The following PAK3 variants were observed in gnomAD, a reference collection of about 807,000 sequenced individuals.
PAK3 encodes p21 (RAC1) activated kinase 3, also known as serine/threonine-protein kinase PAK 3.
PAK3 carries 4 observed loss-of-function variants against 41.0 expected under a neutral mutation model. The ratio of observed to expected loss-of-function variants is 0.10; its 90% CI spans 0.05 to 0.22. The LOEUF is 0.22. PAK3 is among the 10% of genes least tolerant of loss of function. The pLI is 1.00. For missense variants in PAK3, 205 were observed against 409.9 expected, an observed-to-expected ratio of 0.50 and a Z score of 4.32; for synonymous variants, 146 against 139.6, an observed-to-expected ratio of 1.05 and a Z score of -0.32.
At chrX:111,091,214 C>T (rs1372377421), upstream of PAK3, among the ~76,000 whole-genome samples, 1 of 111,327 alleles carries the variant, frequency 9.0e-6, no homozygotes, top group African/African-American at 3.3e-5. Context: ...TCAGAAAGCT[C>T]GTAGGTTCTA....
chrX:111,204,239 C>T (rs1466655376), intron 16 of PAK3, among the ~76,000 whole-genome samples: 3 of 110,978 alleles, frequency 2.7e-5, no homozygotes, highest in Non-Finnish European at 5.7e-5. Context: ...AATTATGACC[C>T]AGAAAACAGC....
intron 1 of PAK3, among the ~76,000 whole-genome samples, chrX:111,010,500 G>A (rs2091996319): frequency 8.9e-6 from 1 of 111,762 alleles, no homozygotes; most frequent in Non-Finnish European, 1.9e-5. Flanking sequence ...GGGGTCTTAT[G>A]GGAGGTGATT....
intron 1 of PAK3, among the ~76,000 whole-genome samples, chrX:111,036,743 C>T (rs2092402918): frequency 9.0e-6 from 1 of 111,624 alleles, no homozygotes; most frequent in East Asian, 2.8e-4. Flanking sequence ...CCATTTGAGA[C>T]TCCTTGCCAT....
intron 1 of PAK3, among the ~76,000 whole-genome samples, chrX:110,950,843 T>C (rs899491738): frequency 9.0e-6 from 1 of 111,647 alleles, no homozygotes; most frequent in African/African-American, 3.3e-5. Flanking sequence ...GGTTTGGAGT[T>C]TGATTTGCAC....
chrX:111,104,034 A>G lies in PAK3; in HGVS notation c.-28+728A>G, dbSNP rs776319662. On this transcript the variant is annotated intron_variant, in intron 4 of 17. Transcript: ENST00000372007. Reference sequence around the variant, plus strand: ...TCTTACAGATCTCTAGTCTCCCTTAAAAGGGCTCAAAAGTTCCCCAGCAGC... The same window carrying G: ...TCTTACAGATCTCTAGTCTCCCTTAGAAGGGCTCAAAAGTTCCCCAGCAGC... Among the ~76,000 whole-genome samples the G allele has an allele frequency of 9.4e-4, 106 of 112,452 alleles. 1 individual carries two copies. Among genetic ancestry groups the G allele is most frequent in the African/African-American group, 3.4e-3 (105 of 31,019 alleles).
intron 1 of PAK3, among the ~76,000 whole-genome samples, chrX:110,990,520 T>C (rs1194206073): frequency 1.8e-5 from 2 of 110,614 alleles, no homozygotes; most frequent in Non-Finnish European, 3.8e-5. Context: ...AGGAAATGTA[T>C]TGACCGTAGA....
At chrX:111,146,246 C>T (rs1237937081) in intron 6 of PAK3, among the ~76,000 whole-genome samples, 1 of 111,771 alleles carries the variant, frequency 8.9e-6, no homozygotes, top group Non-Finnish European at 1.9e-5. Context: ...AATGGTAATT[C>T]TTATTAATAC....
intron 1 of PAK3, among the ~76,000 whole-genome samples, chrX:110,967,920 A>G (rs757159514): frequency 8.9e-6 from 1 of 112,085 alleles, no homozygotes; most frequent in East Asian, 2.8e-4. Context: ...AACACAGTCA[A>G]GATACAGAAC....
chrX:110,995,917 G>A (rs148748901), intron 1 of PAK3, among the ~76,000 whole-genome samples: 33 of 111,219 alleles, frequency 3.0e-4, no homozygotes, highest in South Asian at 3.8e-4. Flanking sequence ...GTTTCTTTTC[G>A]TCCTTCAGGT....
chrX:111,181,035 T>A (rs7063868), intron 11 of PAK3, among the ~76,000 whole-genome samples: 16,563 of 111,360 alleles, frequency 0.15, 2,534 homozygotes, highest in African/African-American at 0.47. Flanking sequence ...CCGGTTTGCC[T>A]GCACCTTTGC....
chrX:111,029,485 T>A (rs1178103325), intron 1 of PAK3, among the ~76,000 whole-genome samples: 2 of 112,291 alleles, frequency 1.8e-5, no homozygotes, highest in Non-Finnish European at 3.8e-5. Flanking sequence ...CATTATATAC[T>A]GTATTCTCAC....
At chrX:110,946,362 A>C (rs2090620998) in intron 1 of PAK3, among the ~76,000 whole-genome samples, 1 of 41,737 alleles carries the variant, frequency 2.4e-5, no homozygotes, top group Non-Finnish European at 5.5e-5. Context: ...TGGCCAAAAA[A>C]AAAAGCCAGT....
intron 1 of PAK3, among the ~76,000 whole-genome samples, chrX:111,071,527 C>T (rs778373495): frequency 8.9e-6 from 1 of 111,919 alleles, no homozygotes; most frequent in Admixed American, 9.5e-5. Flanking sequence ...TCTCCTCCTC[C>T]TCGTCATCAT....
chrX:110,957,534 C>T (rs918057248), intron 1 of PAK3, among the ~76,000 whole-genome samples: 1 of 112,027 alleles, frequency 8.9e-6, no homozygotes, highest in Non-Finnish European at 1.9e-5. Flanking sequence ...TGTACTTTTA[C>T]AAGTCCTTCC....
chrX:111,112,128 A>G (rs181789814), intron 4 of PAK3, among the ~76,000 whole-genome samples: 1 of 111,842 alleles, frequency 8.9e-6, no homozygotes, highest in East Asian at 2.8e-4. Flanking sequence ...AAAGTTAATC[A>G]TGCTATCTCA....
At chrX:111,160,381 A>C (rs895215042) in intron 8 of PAK3, among the ~76,000 whole-genome samples, 2 of 111,467 alleles carry the variant, frequency 1.8e-5, no homozygotes, top group Non-Finnish European at 3.8e-5. Flanking sequence ...TTTGATATTA[A>C]GTATACAATA....
At chrX:111,040,535 A>G (rs2092443206) in intron 1 of PAK3, among the ~76,000 whole-genome samples, 1 of 111,912 alleles carries the variant, frequency 8.9e-6, no homozygotes, top group Non-Finnish European at 1.9e-5. Context: ...TTAAGAATGT[A>G]TGACAAATCA....
At chrX:111,141,976 A>G in intron 5 of PAK3, 120 bp from the exon 6 acceptor site, 1 of 536,118 alleles carries the variant, frequency 1.9e-6, no homozygotes, top group African/African-American at 2.2e-5. Context: ...AAGTGTTGTT[A>G]AAATTGTGTT....
Position 110,965,703 on chromosome X carries a change from C to T in PAK3, c.-28+21075C>T, listed in dbSNP as rs771192988. Among the ~76,000 whole-genome samples the T allele has an allele frequency of 7.4e-4, 83 of 112,121 alleles. 1 individual carries two copies. The Admixed American group carries it at 7.5e-3, about 10-fold the overall frequency. On this transcript the variant is annotated intron_variant, in intron 1 of 14. Transcript: ENST00000425146. ...ATAGAAGAATAACAATAGTACTTCC[C>T]TCAGGGACTATTATGAGGATTTATT...
Sources: gnomAD v4.1 joint callset for allele counts (sites outside exome capture counted in the v4.1 genomes callset) on GRCh38, gnomAD v4.1.1 for gene constraint, MANE v1.5 for transcripts, NCBI Gene and HGNC (gene_info 2026-07-23, HGNC 2026-07-21) for gene names.